The following LAMA2 variants were observed in gnomAD, a reference collection of about 807,000 sequenced individuals.
LAMA2 encodes laminin subunit alpha-2.
In LAMA2, 269 loss-of-function variants were observed where a neutral mutation model predicts 364.8. The ratio of observed to expected loss-of-function variants is 0.74; its 90% CI spans 0.67 to 0.82. The LOEUF is 0.82. Among genes scored for constraint, LAMA2 ranks in the 40% least tolerant of loss-of-function variants. LAMA2 has a pLI of 0.00. For synonymous variants in LAMA2, 1,379 were observed against 1,370.6 expected (o/e 1.01, Z -0.14); for missense variants, 3,807 against 3,873.2 (o/e 0.98, Z 0.45).
intron 27 of LAMA2, among the ~76,000 whole-genome samples, chr6:129,317,367 C>T (rs1230471640): frequency 1.3e-5 from 2 of 152,024 alleles, no homozygotes; most frequent in African/African-American, 2.4e-5. Context: ...CTCTCAATGG[C>T]CAACTAATGA....
At position 129,303,198 on chromosome 6, in the gene LAMA2, T is replaced by A. The variant is rs1176182004; in HGVS notation, c.3174+2326T>A. The stretch of plus-strand genomic sequence containing the variant: ...TATTGTTAAATGTATCCGTTTCATA[T>A]TTTTTATCAAAAGCAAATGCTGTGT... On this transcript the variant is annotated intron_variant, in intron 22 of 64. Transcript: ENST00000421865. Among the ~76,000 whole-genome samples the A allele has an allele frequency of 2.0e-5, 3 of 152,168 alleles. No homozygotes were observed. In the East Asian group the frequency reaches 5.8e-4, roughly 29 times the overall value.
rs540837865 is a variant in LAMA2 at position 129,102,079 on chromosome 6, TA to T, written c.639+3665del. On this transcript the variant is annotated intron_variant, in intron 4 of 64. Coordinates refer to ENST00000421865, the MANE Select transcript of LAMA2 (RefSeq NM_000426.4). ...TATTCATAGGATTCTTAATTTCATA[TA>T]TTTTTCAGTTTCTAAATTTCTCTGG... 4.7e-4 allele frequency among the ~76,000 whole-genome samples: 72 copies of T among 152,138 alleles called. No individual in the cohort carries two copies. In the South Asian group the frequency reaches 0.015, roughly 31 times the overall value.
chr6:129,457,976 C>G (rs994901563), intron 48 of LAMA2, among the ~76,000 whole-genome samples: 2 of 152,102 alleles, frequency 1.3e-5, no homozygotes, highest in African/African-American at 4.8e-5. Flanking sequence ...AATGCCCTGC[C>G]TGCTAATACC....
chr6:129,325,554 A>C (rs1037133359), intron 28 of LAMA2, among the ~76,000 whole-genome samples: 14 of 152,070 alleles, frequency 9.2e-5, no homozygotes, highest in African/African-American at 3.4e-4. Flanking sequence ...TAAAAAAAAC[A>C]GCACGTTTTA....
chr6:129,502,840 G>GT, intron 59 of LAMA2, 69 bp downstream of exon 59: 1 of 1,044,630 alleles, frequency 9.6e-7, no homozygotes, highest in South Asian at 1.3e-5. Context: ...GTTTAATCAA[G>GT]TTGAATCTAC....
chr6:129,312,899 A>G lies in LAMA2; in HGVS notation c.3213A>G (p.Gln1071=), dbSNP rs372938168. ...GCACAGTGGGATCCTTGGATTTCCA[A>G]TGCAATGTAAATACAGGCCAATGCA... ...NCSTVGSLDF[Q]CNVNTGQCNC... The change falls in exon 23 of 65, where the codon CAA becomes CAG. Residue 1071 remains glutamine (Q), a synonymous_variant. Coordinates refer to ENST00000421865, the MANE Select transcript of LAMA2 (RefSeq NM_000426.4). 1.1e-4 allele frequency: 182 copies of G among 1,614,136 alleles called. 5 individuals carry two copies. In the South Asian group the frequency reaches 1.4e-3, roughly 13 times the overall value.
chr6:129,434,778 C>T (rs1375578333), intron 41 of LAMA2, among the ~76,000 whole-genome samples: 1 of 151,946 alleles, frequency 6.6e-6, no homozygotes, highest in East Asian at 1.9e-4. Flanking sequence ...TTGTAAGTTC[C>T]ATTTTGAAAT....
intron 1 of LAMA2, among the ~76,000 whole-genome samples, chr6:128,897,118 T>G (rs1308466163): frequency 1.3e-5 from 2 of 152,250 alleles, no homozygotes; most frequent in African/African-American, 2.4e-5. Flanking sequence ...GTAGTTCTAC[T>G]TTGTGGCCCA....
At chr6:128,952,805 T>C (rs944927760) in intron 1 of LAMA2, among the ~76,000 whole-genome samples, 4 of 152,198 alleles carry the variant, frequency 2.6e-5, no homozygotes, top group Admixed American at 6.5e-5. Context: ...TGAGCATCTA[T>C]TGACACCTCT....
intron 1 of LAMA2, among the ~76,000 whole-genome samples, chr6:129,046,593 G>C (rs1006455402): frequency 1.1e-4 from 16 of 152,274 alleles, no homozygotes; most frequent in African/African-American, 3.8e-4. Flanking sequence ...TTCAAGATGA[G>C]ATTTGGGTAG....
At chr6:129,342,885 A>T (rs1313530369) in intron 30 of LAMA2, among the ~76,000 whole-genome samples, 1 of 152,074 alleles carries the variant, frequency 6.6e-6, no homozygotes, top group Non-Finnish European at 1.5e-5. Context: ...TGTTTAATTC[A>T]AGATTGGGAA....
chr6:129,025,351 G>A (rs891701680), intron 1 of LAMA2, among the ~76,000 whole-genome samples: 1 of 151,948 alleles, frequency 6.6e-6, no homozygotes, highest in African/African-American at 2.4e-5. Context: ...TAAAAGAAAA[G>A]TGATAATGTT....
chr6:129,205,393 CA>C (rs145952118), intron 12 of LAMA2, among the ~76,000 whole-genome samples: 4 of 130,370 alleles, frequency 3.1e-5, no homozygotes, highest in Non-Finnish European at 1.6e-5. Context: ...GATTCCATCT[CA>C]AAAAAAAAAG....
chr6:128,979,258 C>T (rs1424679594), intron 1 of LAMA2, among the ~76,000 whole-genome samples: 1 of 152,168 alleles, frequency 6.6e-6, no homozygotes, highest in Non-Finnish European at 1.5e-5. Context: ...CAGTATCTGG[C>T]ATATCTCCTG....
intron 1 of LAMA2, among the ~76,000 whole-genome samples, chr6:128,919,533 C>G (rs1242917876): frequency 6.6e-6 from 1 of 152,084 alleles, no homozygotes; most frequent in Non-Finnish European, 1.5e-5. Context: ...TCATATGGTT[C>G]AACTTATTAT....
chr6:129,485,600 A>G (rs1784549252), intron 55 of LAMA2, among the ~76,000 whole-genome samples: 1 of 152,236 alleles, frequency 6.6e-6, no homozygotes. Context: ...TGGGTTTGAT[A>G]TGGCAAACCA....
At chr6:129,431,355 C>T (rs561191236) in intron 41 of LAMA2, among the ~76,000 whole-genome samples, 4 of 149,836 alleles carry the variant, frequency 2.7e-5, no homozygotes, top group South Asian at 4.2e-4. Context: ...GCTGAGATTG[C>T]GCCACTGCAC....
At chr6:128,944,886 G>A (rs1299411467) in intron 1 of LAMA2, among the ~76,000 whole-genome samples, 2 of 152,066 alleles carry the variant, frequency 1.3e-5, no homozygotes, top group African/African-American at 4.8e-5. Flanking sequence ...CAAGGGGGAT[G>A]GTGCTAAACC....
intron 12 of LAMA2, among the ~76,000 whole-genome samples, chr6:129,241,284 G>A (rs183457394): frequency 3.9e-5 from 6 of 152,234 alleles, no homozygotes; most frequent in Middle Eastern, 3.4e-3. Context: ...ACATTAAGAC[G>A]TGAATAAAAT....
Sources: allele counts gnomAD v4.1 joint callset (sites outside exome capture counted in the v4.1 genomes callset), GRCh38; gene constraint gnomAD v4.1.1; transcripts MANE v1.5; gene names NCBI Gene and HGNC (gene_info 2026-07-23, HGNC 2026-07-21).